Variants in FBXL20 observed in about 807,000 individuals in gnomAD.
FBXL20 encodes the protein F-box/LRR-repeat protein 20.
FBXL20 carries 11 observed loss-of-function variants against 64.0 expected under a neutral mutation model. The ratio of observed to expected loss-of-function variants is 0.17; its 90% confidence interval spans 0.11 to 0.28. The LOEUF is 0.28. Ranked by LOEUF, FBXL20 falls within the 10% of genes least tolerant of loss-of-function variation. The pLI is 1.00. For synonymous variants in FBXL20, 184 were observed against 189.0 expected (o/e 0.97, Z 0.22); for missense variants, 303 against 526.2 (o/e 0.58, Z 4.15).
At chr17:39,313,861 C>G (rs1188772300) in intron 2 of FBXL20, among the ~76,000 whole-genome samples, 1 of 152,096 alleles carries the variant, frequency 6.6e-6, no homozygotes, top group Admixed American at 6.6e-5. Context: ...TCTCCAACTC[C>G]CGACCTCAAG....
chr17:39,384,343 G>T (rs1214029007), intron 1 of FBXL20, among the ~76,000 whole-genome samples: 1 of 151,970 alleles, frequency 6.6e-6, no homozygotes, highest in African/African-American at 2.4e-5. Flanking sequence ...TGGCCAATAC[G>T]GTGAAACCCC....
chr17:39,330,982 T>C (rs1000973600), intron 2 of FBXL20, among the ~76,000 whole-genome samples: 1 of 152,244 alleles, frequency 6.6e-6, no homozygotes, highest in African/African-American at 2.4e-5. Context: ...TGCAAAGAGC[T>C]TGGGCCTCAA....
At chr17:39,309,171 A>T (rs2047209620) in intron 2 of FBXL20, among the ~76,000 whole-genome samples, 1 of 152,218 alleles carries the variant, frequency 6.6e-6, no homozygotes, top group African/African-American at 2.4e-5. Flanking sequence ...TACTTTGCAC[A>T]CAAATTGATT....
intron 10 of FBXL20, among the ~76,000 whole-genome samples, chr17:39,271,968 G>A (rs1206221172): frequency 1.3e-5 from 2 of 152,154 alleles, no homozygotes; most frequent in African/African-American, 4.8e-5. Flanking sequence ...GAAATGGATG[G>A]CGGGGTGCGG....
chr17:39,288,148 G>T (rs1265582503), intron 6 of FBXL20, among the ~76,000 whole-genome samples: 1 of 151,770 alleles, frequency 6.6e-6, no homozygotes, highest in African/African-American at 2.4e-5. Flanking sequence ...TGTAGTTTTA[G>T]TAGAGACGGG....
intron 1 of FBXL20, among the ~76,000 whole-genome samples, chr17:39,399,646 A>G (rs2048221789): frequency 6.6e-6 from 1 of 152,136 alleles, no homozygotes; most frequent in African/African-American, 2.4e-5. Flanking sequence ...ACCTTCTCAG[A>G]TCATATTTAG....
At chr17:39,289,088 C>T (rs936907010) in intron 6 of FBXL20, among the ~76,000 whole-genome samples, 18 of 152,088 alleles carry the variant, frequency 1.2e-4, no homozygotes, top group African/African-American at 4.1e-4. Flanking sequence ...CCTTTCTAGG[C>T]ACTTTATTTT....
intron 2 of FBXL20, among the ~76,000 whole-genome samples, chr17:39,307,156 T>C (rs1292633735): frequency 1.3e-5 from 2 of 152,182 alleles, no homozygotes; most frequent in African/African-American, 4.8e-5. Context: ...GTGAGTTTCA[T>C]TCAAAAAACA....
chr17:39,292,957 T>A (rs1486094259), intron 6 of FBXL20, among the ~76,000 whole-genome samples: 2 of 151,710 alleles, frequency 1.3e-5, no homozygotes, highest in African/African-American at 4.8e-5. Flanking sequence ...CATGCCCGGC[T>A]AATTTTTGTA....
At chr17:39,268,073 G>A (rs1214471266) in intron 12 of FBXL20, among the ~76,000 whole-genome samples, 1 of 151,968 alleles carries the variant, frequency 6.6e-6, no homozygotes, top group Non-Finnish European at 1.5e-5. Flanking sequence ...TCTTAAAATT[G>A]TGTTAATGTG....
At chr17:39,320,670 C>T (rs1369191303) in intron 2 of FBXL20, among the ~76,000 whole-genome samples, 1 of 150,614 alleles carries the variant, frequency 6.6e-6, no homozygotes, top group Admixed American at 6.6e-5. Context: ...TCTTGGCTCA[C>T]TGCAACCTCC....
chr17:39,330,861 C>A (rs1210306480), intron 2 of FBXL20, among the ~76,000 whole-genome samples: 1 of 152,150 alleles, frequency 6.6e-6, no homozygotes, highest in African/African-American at 2.4e-5. Context: ...ATCCAATTTA[C>A]AAAAGGAGTA....
At chr17:39,265,978 C>T (rs1336807256) in intron 12 of FBXL20, among the ~76,000 whole-genome samples, 2 of 151,854 alleles carry the variant, frequency 1.3e-5, no homozygotes, top group Non-Finnish European at 2.9e-5. Flanking sequence ...AACTTTCAGG[C>T]TCAAGCAATC....
intron 1 of FBXL20, among the ~76,000 whole-genome samples, chr17:39,352,509 A>T (rs1224432524): frequency 6.6e-6 from 1 of 151,942 alleles, no homozygotes; most frequent in African/African-American, 2.4e-5. Context: ...GTGAAACCCC[A>T]TCTCTACTAA....
intron 5 of FBXL20, chr17:39,297,480 C>T: frequency 5.0e-6 from 1 of 200,564 alleles, no homozygotes; most frequent in African/African-American, 2.3e-5. Flanking sequence ...ACTTTTGCAC[C>T]AACCTAATAT....
At chr17:39,375,668 C>G (rs2047960431) in intron 1 of FBXL20, among the ~76,000 whole-genome samples, 1 of 152,152 alleles carries the variant, frequency 6.6e-6, no homozygotes, top group Admixed American at 6.6e-5. Flanking sequence ...TATTACGTAT[C>G]AATTTTGAAA....
intron 9 of FBXL20, among the ~76,000 whole-genome samples, chr17:39,276,247 ACG>A (rs2046891934): frequency 7.1e-6 from 1 of 141,818 alleles, no homozygotes. Context: ...AAAAAAAGGG[ACG>A]GGAAGGGAAG....
chr17:39,286,741 C>A (rs1471480115), intron 6 of FBXL20, among the ~76,000 whole-genome samples: 2 of 150,436 alleles, frequency 1.3e-5, no homozygotes, highest in African/African-American at 2.4e-5. Flanking sequence ...GAGGTTGCAG[C>A]GAGCCAAGAT....
chr17:39,340,571 G>A (rs2047572773), intron 2 of FBXL20, among the ~76,000 whole-genome samples: 2 of 152,154 alleles, frequency 1.3e-5, no homozygotes, highest in African/African-American at 4.8e-5. Context: ...TTTGATAACT[G>A]ATATTATTGA....
Sources: gnomAD v4.1 joint callset for allele counts (sites outside exome capture counted in the v4.1 genomes callset) on GRCh38, gnomAD v4.1.1 for gene constraint, MANE v1.5 for transcripts, NCBI Gene and HGNC (gene_info 2026-07-23, HGNC 2026-07-21) for gene names.